Variants in TRIM71 observed in about 807,000 individuals in gnomAD.
TRIM71 encodes tripartite motif containing 71, also known as E3 ubiquitin-protein ligase TRIM71.
Under a neutral mutation model 61.2 loss-of-function variants are expected in TRIM71, and 9 were observed. The ratio of observed to expected loss-of-function variants is 0.15; its 90% CI spans 0.09 to 0.26. The LOEUF is 0.26. TRIM71 is among the 10% of genes least tolerant of loss of function. TRIM71 has a pLI of 1.00. For synonymous variants in TRIM71, 645 were observed against 553.2 expected, an observed-to-expected ratio of 1.17 and a Z score of -2.33; for missense variants, 998 against 1,238.7, an observed-to-expected ratio of 0.81 and a Z score of 2.92.
At chr3:32,877,304 A>G (rs895074872) in intron 2 of TRIM71, among the ~76,000 whole-genome samples, 43 of 151,992 alleles carry the variant, frequency 2.8e-4, no homozygotes, top group Admixed American at 1.3e-4. Flanking sequence ...GGGTTTCACC[A>G]TGTTGGTCAG....
At chr3:32,821,513 C>G (rs1036899581) in intron 1 of TRIM71, among the ~76,000 whole-genome samples, 2 of 152,172 alleles carry the variant, frequency 1.3e-5, no homozygotes, top group Non-Finnish European at 2.9e-5. Flanking sequence ...GGTGTCTCGT[C>G]TGAGCAATTG....
chr3:32,861,138 G>A (rs958369403), intron 1 of TRIM71, among the ~76,000 whole-genome samples: 1 of 151,708 alleles, frequency 6.6e-6, no homozygotes, highest in African/African-American at 2.4e-5. Flanking sequence ...TCGTGTCATT[G>A]TACTCCAGCC....
At chr3:32,857,573 A>T (rs1696619182) in intron 1 of TRIM71, among the ~76,000 whole-genome samples, 1 of 152,246 alleles carries the variant, frequency 6.6e-6, no homozygotes, top group Admixed American at 6.5e-5. Flanking sequence ...TCTTACAGAT[A>T]ATATAAAGTC....
chr3:32,864,542 G>A (rs1301095969), intron 1 of TRIM71, among the ~76,000 whole-genome samples: 1 of 152,212 alleles, frequency 6.6e-6, no homozygotes, highest in East Asian at 1.9e-4. Flanking sequence ...GGTGCCCGCT[G>A]GGTTCGCCAG....
intron 1 of TRIM71, among the ~76,000 whole-genome samples, chr3:32,864,312 TG>T (rs1696705809): frequency 6.6e-6 from 1 of 152,198 alleles, no homozygotes; most frequent in African/African-American, 2.4e-5. Context: ...TAGTGTAACT[TG>T]GATCTGTTAG....
chr3:32,873,292 C>T (rs1005650363), intron 1 of TRIM71, among the ~76,000 whole-genome samples: 26 of 152,274 alleles, frequency 1.7e-4, no homozygotes, highest in African/African-American at 6.0e-4. Flanking sequence ...CTGGGAGAAC[C>T]ATGCTTTGCA....
intron 2 of TRIM71, among the ~76,000 whole-genome samples, chr3:32,878,976 T>C (rs540801370): frequency 6.8e-4 from 103 of 152,410 alleles, no homozygotes; most frequent in African/African-American, 2.2e-3. Flanking sequence ...GTCTGTTGTT[T>C]AGCTGTCTTC....
Position 32,866,587 on chromosome 3 carries a change from A to G in TRIM71, c.853-7231A>G, listed in dbSNP as rs180726191. On this transcript the variant is annotated intron_variant, in intron 1 of 3. Transcript: ENST00000383763. ...GTGTGTTCAGGAGAAACACCTAGAC[A>G]TGGTGGTGTGCTACTGGAGTATGTT... Among the ~76,000 whole-genome samples the G allele has an allele frequency of 1.5e-3, 233 of 152,260 alleles. 2 individuals are homozygous for G. The highest frequency in any genetic ancestry group is 9.9e-4 in the Non-Finnish European group (67 of 68,016).
intron 1 of TRIM71, among the ~76,000 whole-genome samples, chr3:32,836,465 G>T (rs1051331054): frequency 6.6e-6 from 1 of 152,194 alleles, no homozygotes; most frequent in Admixed American, 6.5e-5. Flanking sequence ...GTGTTACAAA[G>T]GATTTTTCTG....
chr3:32,820,594 A>T (rs1033634878), intron 1 of TRIM71, among the ~76,000 whole-genome samples: 1 of 152,232 alleles, frequency 6.6e-6, no homozygotes, highest in Non-Finnish European at 1.5e-5. Flanking sequence ...AATGGGGTTG[A>T]ATCCAGGAGT....
chr3:32,828,665 A>T lies in TRIM71; in HGVS notation c.852+9733A>T, dbSNP rs58713831. Reference sequence around the variant, plus strand: ...TGCATGCCACGATGCCCGGCTAATTAAAAAAAATTCTTTTTGTAGAGACTG... The same window carrying T: ...TGCATGCCACGATGCCCGGCTAATTTAAAAAAATTCTTTTTGTAGAGACTG... On this transcript the variant is annotated intron_variant, in intron 1 of 3. Coordinates refer to ENST00000383763, the MANE Select transcript of TRIM71 (RefSeq NM_001039111.3). Among the ~76,000 whole-genome samples, 1,403 of 151,678 alleles carry T rather than the reference A, an allele frequency of 9.2e-3. 17 individuals carry two copies. Among genetic ancestry groups the T allele is most frequent in the African/African-American group, 0.032 (1,327 of 41,358 alleles).
intron 2 of TRIM71, among the ~76,000 whole-genome samples, chr3:32,882,915 G>A (rs1203133326): frequency 1.3e-5 from 2 of 152,198 alleles, no homozygotes; most frequent in African/African-American, 4.8e-5. Flanking sequence ...GCCACTCTCA[G>A]AATTAGCTGG....
intron 3 of TRIM71, among the ~76,000 whole-genome samples, chr3:32,888,839 T>A (rs9812082): frequency 0.26 from 40,297 of 152,122 alleles, 5,811 homozygotes; most frequent in Middle Eastern, 0.38. Flanking sequence ...ACTAATTCTT[T>A]AAGAATATGA....
intron 2 of TRIM71, among the ~76,000 whole-genome samples, chr3:32,879,663 TC>T (rs1023790496): frequency 1.0e-5 from 1 of 99,876 alleles, no homozygotes; most frequent in Non-Finnish European, 2.0e-5. Context: ...CCACAAATCT[TC>T]AATTTCTTAA....
chr3:32,887,839 A>G (rs1357878692), intron 3 of TRIM71, among the ~76,000 whole-genome samples: 1 of 152,180 alleles, frequency 6.6e-6, no homozygotes, highest in African/African-American at 2.4e-5. Context: ...ATGAAAAAGC[A>G]GGAATGAGTC....
chr3:32,840,313 T>G (rs1198089800), intron 1 of TRIM71, among the ~76,000 whole-genome samples: 1 of 152,076 alleles, frequency 6.6e-6, no homozygotes, highest in Non-Finnish European at 1.5e-5. Context: ...AGGCACTCTT[T>G]TAAATAGGCC....
In TRIM71 at chr3:32,886,011, C is replaced by T. The variant is rs762675668; in HGVS notation, c.1098C>T (p.Ala366=). The change falls in exon 3 of 4, where the codon GCC becomes GCT. Residue 366 remains alanine (A), a synonymous_variant. Coordinates refer to ENST00000383763, the MANE Select transcript of TRIM71 (RefSeq NM_001039111.3). ...AGGTTGTGCAGTCGGAGGTCAAAGC[C>T]GTGACGGCGAGGCATAAGAAAGCCC... ...KAKVVQSEVK[A]VTARHKKALE... 7 of 1,614,126 alleles carry T rather than the reference C, an allele frequency of 4.3e-6. No homozygotes were observed. Among genetic ancestry groups the T allele is most frequent in the South Asian group, 3.3e-5 (3 of 91,076 alleles).
At chr3:32,835,301 C>T (rs1455677755) in intron 1 of TRIM71, among the ~76,000 whole-genome samples, 2 of 152,158 alleles carry the variant, frequency 1.3e-5, no homozygotes, top group African/African-American at 4.8e-5. Flanking sequence ...GGTTAAGAAA[C>T]ATTCTCATTT....
intron 1 of TRIM71, among the ~76,000 whole-genome samples, chr3:32,843,959 T>C (rs1397740202): frequency 6.6e-6 from 1 of 152,178 alleles, no homozygotes; most frequent in Non-Finnish European, 1.5e-5. Flanking sequence ...AACGCACTTT[T>C]TTCTGGTTAG....
Sources: allele counts gnomAD v4.1 joint callset (sites outside exome capture counted in the v4.1 genomes callset), GRCh38; gene constraint gnomAD v4.1.1; transcripts MANE v1.5; gene names NCBI Gene and HGNC (gene_info 2026-07-23, HGNC 2026-07-21).